Variants in MSH3 observed in about 807,000 individuals in gnomAD.
MSH3 encodes mutS homolog 3.
A neutral mutation model predicts 123.3 loss-of-function variants in MSH3; 106 were observed. The observed-to-expected ratio is 0.86, with a 90% CI of 0.73 to 1.01. The LOEUF (loss-of-function observed/expected upper bound fraction) is 1.01. Among genes scored for constraint, MSH3 ranks in the 50% least tolerant of loss-of-function variants. MSH3 has a pLI of 0.00. For synonymous variants in MSH3, 515 were observed against 481.4 expected, an observed-to-expected ratio of 1.07 and a Z score of -0.91; for missense variants, 1,459 against 1,347.6, an observed-to-expected ratio of 1.08 and a Z score of -1.29.
At chr5:80,708,462 A>G (rs1750768052) in intron 8 of MSH3, among the ~76,000 whole-genome samples, 1 of 147,888 alleles carries the variant, frequency 6.8e-6, no homozygotes, top group African/African-American at 2.5e-5. Flanking sequence ...ATATTTATTT[A>G]TTTATTTTTT....
intron 11 of MSH3, among the ~76,000 whole-genome samples, chr5:80,741,854 G>A (rs961817124): frequency 2.6e-5 from 4 of 151,782 alleles, no homozygotes; most frequent in Non-Finnish European, 4.4e-5. Flanking sequence ...AATATGAAGC[G>A]GATTTTTTTT....
At chr5:80,846,460 A>G (rs56059848) in intron 20 of MSH3, among the ~76,000 whole-genome samples, 108 of 152,154 alleles carry the variant, frequency 7.1e-4, no homozygotes, top group Non-Finnish European at 1.1e-3. Context: ...GGGACGTTTA[A>G]GTCTGCAGAT....
chr5:80,755,299 C>A (rs1014711075), intron 12 of MSH3, among the ~76,000 whole-genome samples: 1 of 152,200 alleles, frequency 6.6e-6, no homozygotes. Context: ...CTGCTTTGTT[C>A]TTCAACATTC....
intron 10 of MSH3, among the ~76,000 whole-genome samples, chr5:80,730,894 A>AT (rs59224150): frequency 0.14 from 18,126 of 127,590 alleles, 1,705 homozygotes; most frequent in African/African-American, 0.26. Context: ...ATATATATAT[A>AT]TTTTTTTTTT....
chr5:80,778,243 C>T (rs1210171609), intron 16 of MSH3, among the ~76,000 whole-genome samples: 1 of 152,174 alleles, frequency 6.6e-6, no homozygotes, highest in Non-Finnish European at 1.5e-5. Context: ...TAATTGCCTC[C>T]TGACTTAATG....
At chr5:80,871,003 A>G (rs986725956) in intron 22 of MSH3, among the ~76,000 whole-genome samples, 8 of 152,200 alleles carry the variant, frequency 5.3e-5, no homozygotes, top group African/African-American at 1.9e-4. Flanking sequence ...CTTAAACTAC[A>G]TGCAGTGGTT....
chr5:80,837,859 C>T (rs1745544433), intron 20 of MSH3, among the ~76,000 whole-genome samples: 1 of 152,158 alleles, frequency 6.6e-6, no homozygotes, highest in African/African-American at 2.4e-5. Context: ...TGAGTCAGGA[C>T]TAGAGATGCA....
At chr5:80,690,255 A>G (rs932687683) in intron 8 of MSH3, among the ~76,000 whole-genome samples, 2 of 152,014 alleles carry the variant, frequency 1.3e-5, no homozygotes, top group Non-Finnish European at 2.9e-5. Context: ...CCACAGTATG[A>G]CTTAAGTGGT....
In MSH3 at chr5:80,679,099, T is replaced by C. The variant is rs749448458; in HGVS notation, c.1340+6T>C. 6 of 1,613,846 alleles carry C rather than the reference T, an allele frequency of 3.7e-6. No homozygotes were observed. The Admixed American group carries it at 5.0e-5, about 13-fold the overall frequency. On this transcript the variant is annotated splice_donor_region_variant and intron_variant, in intron 8 of 23. Transcript: ENST00000265081. ...CACAGAGCCACATCTGTTAGGTAAG[T>C]TGGCACATCACTGGAATATAATACC...
At chr5:80,734,670 T>C (rs1482470608) in intron 10 of MSH3, among the ~76,000 whole-genome samples, 5 of 152,166 alleles carry the variant, frequency 3.3e-5, no homozygotes, top group African/African-American at 1.2e-4. Context: ...TTCACTACTA[T>C]TTTCTGGTAG....
chr5:80,750,318 G>T (rs1743810736), intron 12 of MSH3, among the ~76,000 whole-genome samples: 3 of 152,084 alleles, frequency 2.0e-5, no homozygotes, highest in African/African-American at 7.2e-5. Flanking sequence ...CTAGCATACT[G>T]TTTTACAAAG....
At chr5:80,661,413 T>C (rs900537844) in intron 2 of MSH3, among the ~76,000 whole-genome samples, 1 of 152,228 alleles carries the variant, frequency 6.6e-6, no homozygotes, top group Non-Finnish European at 1.5e-5. Flanking sequence ...GGTCTTTTTT[T>C]CTGCTATGTC....
At chr5:80,777,035 G>T (rs1488870356) in intron 16 of MSH3, among the ~76,000 whole-genome samples, 1 of 150,768 alleles carries the variant, frequency 6.6e-6, no homozygotes, top group African/African-American at 2.4e-5. Context: ...GGGTTCAAAT[G>T]ATTCTCCTGC....
chr5:80,751,206 A>G (rs1743830210), intron 12 of MSH3, among the ~76,000 whole-genome samples: 1 of 152,220 alleles, frequency 6.6e-6, no homozygotes, highest in Non-Finnish European at 1.5e-5. Flanking sequence ...TAACAGGGAT[A>G]AGATATCAGT....
At chr5:80,842,520 T>G (rs1420621486) in intron 20 of MSH3, among the ~76,000 whole-genome samples, 1 of 152,200 alleles carries the variant, frequency 6.6e-6, no homozygotes. Flanking sequence ...TTTCACAATA[T>G]TGATTCTTCC....
At chr5:80,787,032 A>G (rs1744520923) in intron 17 of MSH3, among the ~76,000 whole-genome samples, 1 of 152,206 alleles carries the variant, frequency 6.6e-6, no homozygotes, top group Non-Finnish European at 1.5e-5. Context: ...AATATTTATT[A>G]CAGTGTTTAT....
intron 21 of MSH3, among the ~76,000 whole-genome samples, chr5:80,857,177 C>A (rs1425561103): frequency 6.6e-6 from 1 of 152,086 alleles, no homozygotes; most frequent in Admixed American, 6.6e-5. Flanking sequence ...CTTCTTTAGC[C>A]TGTTGATGTG....
intron 5 of MSH3, 71 bp downstream of exon 5, chr5:80,672,431 T>C: frequency 2.6e-6 from 3 of 1,161,324 alleles, no homozygotes; most frequent in South Asian, 2.5e-5. Flanking sequence ...ACGTGTTTTG[T>C]AAGGTGGTAG....
intron 20 of MSH3, among the ~76,000 whole-genome samples, chr5:80,830,436 G>A (rs1745397513): frequency 6.6e-6 from 1 of 152,164 alleles, no homozygotes; most frequent in Non-Finnish European, 1.5e-5. Context: ...TTTTGCATGA[G>A]GTTATAATGT....
Sources: gnomAD v4.1 joint callset for allele counts (sites outside exome capture counted in the v4.1 genomes callset) on GRCh38, gnomAD v4.1.1 for gene constraint, MANE v1.5 for transcripts, NCBI Gene and HGNC (gene_info 2026-07-23, HGNC 2026-07-21) for gene names.